Variants in DPP6 observed in about 807,000 individuals in gnomAD.
The protein encoded by DPP6 is A-type potassium channel modulatory protein DPP6.
Under a neutral mutation model 122.6 loss-of-function variants are expected in DPP6, and 69 were observed. The ratio of observed to expected loss-of-function variants is 0.56; its 90% CI spans 0.46 to 0.69. DPP6 has a LOEUF of 0.69. Ranked by LOEUF, DPP6 falls within the 30% of genes least tolerant of loss-of-function variation. The pLI is 0.00. For synonymous variants in DPP6, 418 were observed against 433.1 expected (o/e 0.97, Z 0.43); for missense variants, 928 against 1,116.9 (o/e 0.83, Z 2.41).
At chr7:154,671,533 A>G (rs1351370531) in intron 7 of DPP6, among the ~76,000 whole-genome samples, 1 of 152,178 alleles carries the variant, frequency 6.6e-6, no homozygotes, top group Non-Finnish European at 1.5e-5. Context: ...ACATGCAAAT[A>G]AACCGGGTCC....
At chr7:154,379,610 C>A (rs1001282230) in intron 1 of DPP6, among the ~76,000 whole-genome samples, 2 of 152,096 alleles carry the variant, frequency 1.3e-5, no homozygotes, top group Non-Finnish European at 2.9e-5. Flanking sequence ...ATATAGAAAG[C>A]ATTGTGGATA....
At chr7:154,716,695 T>TC (rs1841504113) in intron 7 of DPP6, among the ~76,000 whole-genome samples, 1 of 143,706 alleles carries the variant, frequency 7.0e-6, no homozygotes, top group African/African-American at 2.9e-5. Context: ...AAGAGAGCAT[T>TC]TTTTTTTTCT....
intron 5 of DPP6, among the ~76,000 whole-genome samples, chr7:154,635,724 C>CGAAG (rs1296237603): frequency 6.6e-6 from 1 of 152,014 alleles, no homozygotes; most frequent in African/African-American, 2.4e-5. Context: ...TGCAGTCATC[C>CGAAG]GAAGGCTTGA....
intron 20 of DPP6, among the ~76,000 whole-genome samples, chr7:154,878,636 C>A (rs563833348): frequency 6.6e-6 from 1 of 152,348 alleles, no homozygotes; most frequent in African/African-American, 2.4e-5. Context: ...ACCACCATAT[C>A]CTCACCGAGG....
At chr7:154,550,748 C>CTTTTT in intron 4 of DPP6, among the ~76,000 whole-genome samples, 1 of 126,850 alleles carries the variant, frequency 7.9e-6, no homozygotes. Context: ...AATTTTAGTT[C>CTTTTT]TTTTTTTTTT....
intron 1 of DPP6, among the ~76,000 whole-genome samples, chr7:154,045,463 C>T (rs2533758): frequency 7.2e-5 from 11 of 152,216 alleles, no homozygotes; most frequent in Admixed American, 1.3e-4. Context: ...GCAGCTTGCC[C>T]GGCCCCAGCC....
chr7:154,053,356 C>T (rs1195665295), intron 1 of DPP6, among the ~76,000 whole-genome samples: 13 of 152,062 alleles, frequency 8.5e-5, no homozygotes, highest in South Asian at 2.1e-4. Flanking sequence ...TCCCTGGGTG[C>T]GCGGATGTCT....
rs572950405 is a variant in DPP6, at chr7:154,621,421, G to T, written c.628-16400G>T. On this transcript the variant is annotated intron_variant, in intron 5 of 25. Coordinates refer to ENST00000377770, the MANE Select transcript of DPP6 (RefSeq NM_130797.4). ...TCTCACTCTGTCGCCCAGGCTAGAG[G>T]GCAGTGGTGCAATCTCAGCTCACTG... Among the ~76,000 whole-genome samples, 296 of 152,150 alleles carry T rather than the reference G, an allele frequency of 1.9e-3. 2 individuals carry two copies. The highest frequency in any genetic ancestry group is 3.1e-3 in the Non-Finnish European group (209 of 67,982).
chr7:153,991,314 T>C, intron 1 of DPP6, among the ~76,000 whole-genome samples: 1 of 152,180 alleles, frequency 6.6e-6, no homozygotes, highest in East Asian at 1.9e-4. Context: ...TTTGGTAATT[T>C]TTAGTATATA....
At chr7:154,157,985 A>ATG (rs1554478692) in intron 1 of DPP6, among the ~76,000 whole-genome samples, 1 of 148,180 alleles carries the variant, frequency 6.7e-6, no homozygotes, top group Admixed American at 6.8e-5. Context: ...ATAAATATAT[A>ATG]TACATATATA....
At chr7:154,305,626 G>C in intron 1 of DPP6, 3 of 1,515,390 alleles carry the variant, frequency 2.0e-6, no homozygotes. Context: ...GTGCATGAGA[G>C]AGACAGAGAC....
At position 154,063,306 on chromosome 7, in the gene DPP6, G is replaced by A. The variant is rs1159374389; in HGVS notation, c.243+10243G>A. Among the ~76,000 whole-genome samples the A allele has an allele frequency of 2.4e-5, 3 of 122,472 alleles. 1 individual carries two copies. Among genetic ancestry groups the A allele is most frequent in the Non-Finnish European group, 5.2e-5 (3 of 57,410 alleles). 80.3% of individuals were successfully genotyped at this position (122,472 alleles called of 152,430 possible). ...GGGGGAGGGACCCCCCATGAGGCGGGGACTGAGAGCCAGTCCCTCTTCTCC... is the reference window on the plus strand; with the variant it reads ...GGGGGAGGGACCCCCCATGAGGCGGAGACTGAGAGCCAGTCCCTCTTCTCC... On this transcript the variant is annotated intron_variant, in intron 1 of 25. Coordinates refer to ENST00000377770, the MANE Select transcript of DPP6 (RefSeq NM_130797.4).
chr7:154,679,067 G>T (rs1839118929), intron 7 of DPP6, among the ~76,000 whole-genome samples: 1 of 152,192 alleles, frequency 6.6e-6, no homozygotes, highest in African/African-American at 2.4e-5. Context: ...GAGTTGGGCT[G>T]CCCTTGATAA....
chr7:154,337,402 T>C (rs1240388327), intron 1 of DPP6, among the ~76,000 whole-genome samples: 1 of 152,248 alleles, frequency 6.6e-6, no homozygotes, highest in Non-Finnish European at 1.5e-5. Flanking sequence ...TAGTTTTCAA[T>C]ATTGTAATAG....
intron 3 of DPP6, among the ~76,000 whole-genome samples, chr7:154,493,978 C>G (rs1824507147): frequency 6.6e-6 from 1 of 151,978 alleles, no homozygotes; most frequent in African/African-American, 2.4e-5. Context: ...AGAGGACCAT[C>G]TGATAGTTCT....
At chr7:154,167,268 A>G (rs895685134) in intron 1 of DPP6, among the ~76,000 whole-genome samples, 3 of 152,132 alleles carry the variant, frequency 2.0e-5, no homozygotes, top group African/African-American at 7.2e-5. Context: ...AGGCAAATAG[A>G]AGTTAAGCAC....
At chr7:153,806,988 C>T in the DPP6 span, among the ~76,000 whole-genome samples, 1 of 152,022 alleles carries the variant, frequency 6.6e-6, no homozygotes, top group Admixed American at 6.5e-5. Context: ...TTTTTATTCC[C>T]TTCTTTTTTA....
At chr7:154,545,044 CT>C (rs1829056239) in intron 4 of DPP6, among the ~76,000 whole-genome samples, 1 of 152,170 alleles carries the variant, frequency 6.6e-6, no homozygotes, top group South Asian at 2.1e-4. Context: ...GCATCCAGAG[CT>C]GGTAATTACA....
intron 3 of DPP6, among the ~76,000 whole-genome samples, chr7:154,536,497 C>T (rs1828265726): frequency 6.6e-6 from 1 of 152,146 alleles, no homozygotes; most frequent in South Asian, 2.1e-4. Context: ...TGTCCAGTTT[C>T]CTCCAAATGG....
Sources: gnomAD v4.1 joint callset for allele counts (sites outside exome capture counted in the v4.1 genomes callset) on GRCh38, gnomAD v4.1.1 for gene constraint, MANE v1.5 for transcripts, NCBI Gene and HGNC (gene_info 2026-07-23, HGNC 2026-07-21) for gene names.